IQANK1: variants seen among roughly 807,000 people sequenced by gnomAD.
IQANK1 encodes IQ motif and ankyrin repeat containing 1, also known as IQ motif and ankyrin repeat domain-containing protein 1.
In IQANK1, 30 loss-of-function variants were observed where a neutral mutation model predicts 22.6. The observed-to-expected ratio is 1.33, with a 90% CI of 0.99 to 1.80. IQANK1 has a LOEUF of 1.80. Ranked by LOEUF, IQANK1 falls within the 40% of genes most tolerant of loss-of-function variation. IQANK1 has a pLI of 0.00. For synonymous variants in IQANK1, 122 were observed against 99.6 expected (o/e 1.23, Z -1.34); for missense variants, 275 against 235.2 (o/e 1.17, Z -1.11).
chr8:143,789,314 G>A (rs929350369), intron 9 of IQANK1, 71 bp downstream of exon 9: 5 of 444,998 alleles, frequency 1.1e-5, no homozygotes, highest in Non-Finnish European at 1.9e-5. Context: ...GGGAGCCGAG[G>A]GAGGGCCAGG....
At chr8:143,753,045 C>G (rs1339913941) in intron 3 of IQANK1, among the ~76,000 whole-genome samples, 1 of 134,500 alleles carries the variant, frequency 7.4e-6, no homozygotes. Flanking sequence ...ACTCTGTCAC[C>G]TGGGCTGGAG....
chr8:143,750,786 C>A (rs576915202), intron 3 of IQANK1, among the ~76,000 whole-genome samples: 2 of 152,212 alleles, frequency 1.3e-5, no homozygotes, highest in African/African-American at 4.8e-5. Flanking sequence ...TGCACTCCAG[C>A]TTCGGTGACA....
chr8:143,761,001 T>C (rs1819384572), intron 3 of IQANK1, among the ~76,000 whole-genome samples: 1 of 152,034 alleles, frequency 6.6e-6, no homozygotes, highest in Non-Finnish European at 1.5e-5. Context: ...ACCAGGGACC[T>C]CCTGGTGCGA....
chr8:143,743,079 C>G (rs1554626834), intron 3 of IQANK1: 1 of 455,250 alleles, frequency 2.2e-6, no homozygotes, highest in South Asian at 1.5e-5. Context: ...TAGCAGCCAC[C>G]ACATCTACCA....
chr8:143,778,259 CTA>C (rs1411691319), intron 7 of IQANK1, among the ~76,000 whole-genome samples: 41 of 151,272 alleles, frequency 2.7e-4, no homozygotes, highest in Non-Finnish European at 8.8e-5. Context: ...TATGTTCTAC[CTA>C]TAAGAAACAA....
At chr8:143,776,615 C>T (rs942062387) in intron 7 of IQANK1, among the ~76,000 whole-genome samples, 1 of 152,032 alleles carries the variant, frequency 6.6e-6, no homozygotes, top group African/African-American at 2.4e-5. Context: ...GTTAAGGAGA[C>T]AAGAATTCAG....
At chr8:143,752,052 G>C (rs1819206202) in intron 3 of IQANK1, among the ~76,000 whole-genome samples, 1 of 151,984 alleles carries the variant, frequency 6.6e-6, no homozygotes, top group African/African-American at 2.4e-5. Flanking sequence ...CGCAACCTCT[G>C]CCTCCCAGGT....
intron 3 of IQANK1, among the ~76,000 whole-genome samples, chr8:143,748,859 CATATATAA>C (rs1202238935): frequency 9.5e-6 from 1 of 105,584 alleles, no homozygotes; most frequent in Non-Finnish European, 1.6e-5. Flanking sequence ...ATATATATAT[CATATATAA>C]ATATATAAAT....
At chr8:143,760,647 A>C (rs544761257) in intron 3 of IQANK1, 3 of 152,206 alleles carry the variant, frequency 2.0e-5, no homozygotes, top group Non-Finnish European at 4.4e-5. Context: ...GTGTCACTGC[A>C]ATCCAGCCTG....
chr8:143,760,453 A>C (rs1361048986), intron 3 of IQANK1: 1 of 151,202 alleles, frequency 6.6e-6, no homozygotes, highest in Admixed American at 6.6e-5. Context: ...AGGCAGGTGG[A>C]TCACTGGAGT....
chr8:143,737,687 A>G (rs761403157), intron 2 of IQANK1, among the ~76,000 whole-genome samples: 7 of 152,112 alleles, frequency 4.6e-5, no homozygotes, highest in Non-Finnish European at 1.0e-4. Context: ...CTCACTCCGG[A>G]GCTGCTCCAG....
intron 2 of IQANK1, among the ~76,000 whole-genome samples, chr8:143,738,547 C>T (rs1228944217): frequency 1.3e-5 from 2 of 152,198 alleles, no homozygotes; most frequent in African/African-American, 4.8e-5. Context: ...CGCGCTGACA[C>T]GGCGGCACGG....
At chr8:143,772,535 G>A (rs1454389501) in intron 7 of IQANK1, 53 bp downstream of exon 7, 1 of 398,116 alleles carries the variant, frequency 2.5e-6, no homozygotes, top group African/African-American at 2.1e-5. Context: ...GGGAGGTGTG[G>A]GCCTCGGGAG....
intron 3 of IQANK1, among the ~76,000 whole-genome samples, chr8:143,768,706 A>G (rs1235842553): frequency 6.6e-6 from 1 of 152,170 alleles, no homozygotes; most frequent in Non-Finnish European, 1.5e-5. Context: ...ATCCAAGTAT[A>G]TGATAGTTTT....
intron 7 of IQANK1, among the ~76,000 whole-genome samples, chr8:143,780,226 A>G (rs531736966): frequency 2.0e-5 from 3 of 152,306 alleles, no homozygotes; most frequent in South Asian, 4.1e-4. Flanking sequence ...TCCCAGTTTA[A>G]TCCTCTCAAC....
chr8:143,759,175 G>T, intron 3 of IQANK1: 1 of 261,238 alleles, frequency 3.8e-6, no homozygotes, highest in Non-Finnish European at 7.5e-6. Flanking sequence ...GGCAGCAAGA[G>T]ACATGGCCAG....
chr8:143,788,299 C>A (rs1819932433), intron 7 of IQANK1, among the ~76,000 whole-genome samples: 2 of 152,208 alleles, frequency 1.3e-5, no homozygotes. Flanking sequence ...TCACTGTGAC[C>A]CCCTCCAAGC....
intron 2 of IQANK1, 99 bp from the exon 3 acceptor site, chr8:143,739,760 C>G: frequency 1.7e-6 from 1 of 584,406 alleles, no homozygotes; most frequent in East Asian, 3.1e-5. Flanking sequence ...CCCTGTCTGC[C>G]AGGACGCACG....
In IQANK1 at chr8:143,774,130, G is replaced by T. The variant is rs1372576629; in HGVS notation, c.789+1648G>T. 1.3e-5 allele frequency among the ~76,000 whole-genome samples: 2 copies of T among 151,480 alleles called. No homozygotes were observed. The highest frequency in any genetic ancestry group is 4.9e-5 in the African/African-American group (2 of 41,086). On this transcript the variant is annotated intron_variant, in intron 7 of 13. Coordinates refer to ENST00000527139, the MANE Select transcript of IQANK1 (RefSeq NM_001381874.1). The surrounding 1 kb of genome is among the most constrained non-coding windows in gnomAD (Gnocchi z 4.2). Reference sequence around the variant, plus strand: ...AACACATAGGAGAAAAATCTTTGGGGCCTAGGACTTGGAGGGATTCTTGGA... The same window carrying T: ...AACACATAGGAGAAAAATCTTTGGGTCCTAGGACTTGGAGGGATTCTTGGA...
Sources: allele counts gnomAD v4.1 joint callset (sites outside exome capture counted in the v4.1 genomes callset), GRCh38; gene constraint gnomAD v4.1.1; non-coding constraint Gnocchi (gnomAD v3.1); transcripts MANE v1.5; gene names NCBI Gene and HGNC (gene_info 2026-07-23, HGNC 2026-07-21).